The following NPAS2 variants were observed in gnomAD, a reference collection of about 807,000 sequenced individuals.
The protein encoded by NPAS2 is neuronal PAS domain-containing protein 2.
In NPAS2, 23 loss-of-function variants were observed where a neutral mutation model predicts 107.5. The ratio of observed to expected loss-of-function variants is 0.21; its 90% CI spans 0.15 to 0.30. NPAS2 has a LOEUF of 0.30. NPAS2 is among the 10% of genes least tolerant of loss of function. The pLI is 1.00. For missense variants in NPAS2, 756 were observed against 1,043.3 expected (o/e 0.72, Z 3.79); for synonymous variants, 403 against 417.5 (o/e 0.97, Z 0.42).
At chr2:100,876,816 C>T (rs1225233479) in intron 1 of NPAS2, among the ~76,000 whole-genome samples, 8 of 152,132 alleles carry the variant, frequency 5.3e-5, no homozygotes, top group Non-Finnish European at 8.8e-5. Context: ...GAGCACTCCC[C>T]GACTCTTAAC....
At chr2:100,842,077 A>ACG (rs1553441809) in intron 1 of NPAS2, among the ~76,000 whole-genome samples, 20,602 of 92,338 alleles carry the variant, frequency 0.22, 1,568 homozygotes, top group Middle Eastern at 0.39. Context: ...GTGTGCATGT[A>ACG]CGCGCACACA....
At chr2:100,964,787 G>T in intron 8 of NPAS2, 74 bp from the exon 9 acceptor site, 1 of 872,596 alleles carries the variant, frequency 1.1e-6, no homozygotes, top group Non-Finnish European at 1.8e-6. Flanking sequence ...CCCACCACGC[G>T]TTCCTCTTGA....
chr2:100,825,081 C>T (rs926474142), intron 1 of NPAS2, among the ~76,000 whole-genome samples: 3 of 152,106 alleles, frequency 2.0e-5, no homozygotes, highest in Non-Finnish European at 2.9e-5. Context: ...TGCTGAAGGC[C>T]GTGGCAGATA....
chr2:100,878,708 C>A, intron 1 of NPAS2: 2 of 596,316 alleles, frequency 3.4e-6, no homozygotes, highest in Non-Finnish European at 4.2e-6. Flanking sequence ...TCACTGATAC[C>A]CAACTATAAG....
intron 1 of NPAS2, among the ~76,000 whole-genome samples, chr2:100,903,190 C>T (rs1304215389): frequency 6.6e-6 from 1 of 152,190 alleles, no homozygotes; most frequent in South Asian, 2.1e-4. Context: ...GGTCCTTGCT[C>T]ATGCCCTGGG....
chr2:100,858,074 T>C (rs1678694732), intron 1 of NPAS2, among the ~76,000 whole-genome samples: 1 of 152,230 alleles, frequency 6.6e-6, no homozygotes, highest in South Asian at 2.1e-4. Context: ...CCAGTTTGTT[T>C]GCATGATAGT....
At chr2:100,939,715 T>G (rs981069394) in intron 5 of NPAS2, among the ~76,000 whole-genome samples, 1 of 152,194 alleles carries the variant, frequency 6.6e-6, no homozygotes, top group Non-Finnish European at 1.5e-5. Flanking sequence ...CAGAACTGTT[T>G]GGGTAAACAG....
At chr2:100,880,872 A>T (rs1440907429) in intron 1 of NPAS2, among the ~76,000 whole-genome samples, 3 of 152,220 alleles carry the variant, frequency 2.0e-5, no homozygotes, top group African/African-American at 7.2e-5. Context: ...GAGGGAGAGC[A>T]GTATTTTTGC....
chr2:100,902,956 T>C (rs1681881456), intron 1 of NPAS2, among the ~76,000 whole-genome samples: 1 of 152,102 alleles, frequency 6.6e-6, no homozygotes, highest in Non-Finnish European at 1.5e-5. Flanking sequence ...ATCCAGGTTT[T>C]ATAGATTCAG....
At position 100,948,258 on chromosome 2, in the gene NPAS2, G is replaced by A; in HGVS notation, c.387G>A (p.Leu129=). The A allele has an allele frequency of 5.0e-6, 8 of 1,613,026 alleles. No homozygotes were observed. Among genetic ancestry groups the A allele is most frequent in the Non-Finnish European group, 6.8e-6 (8 of 1,179,766 alleles). The change falls in exon 6 of 21, where the codon TTG becomes TTA. Residue 129 remains leucine, a synonymous_variant. Transcript: ENST00000335681. ...AGTCGGATGTCATGGATCAGAATTT[G>A]TTAAATTTCCTCCCAGAACAAGAAC... The part of the protein sequence containing the change: ...HLPSDVMDQN[L]LNFLPEQEHS...
chr2:100,907,085 G>A (rs1682198452), intron 2 of NPAS2, among the ~76,000 whole-genome samples: 1 of 152,072 alleles, frequency 6.6e-6, no homozygotes, highest in Admixed American at 6.6e-5. Flanking sequence ...TTTTGCTGTT[G>A]TCATCTTTAA....
intron 2 of NPAS2, among the ~76,000 whole-genome samples, chr2:100,918,816 G>A (rs1683043374): frequency 6.6e-6 from 1 of 152,188 alleles, no homozygotes. Flanking sequence ...AAATGGCATG[G>A]CCACTCTGGA....
chr2:100,904,228 G>A (rs1016088758), intron 1 of NPAS2, among the ~76,000 whole-genome samples: 5 of 152,110 alleles, frequency 3.3e-5, no homozygotes, highest in African/African-American at 1.2e-4. Context: ...CTGTGGTGTC[G>A]CTAACGGATC....
At chr2:100,945,314 G>A (rs575832887) in intron 5 of NPAS2, among the ~76,000 whole-genome samples, 3 of 152,256 alleles carry the variant, frequency 2.0e-5, no homozygotes, top group South Asian at 4.1e-4. Flanking sequence ...GGCTCTGCCT[G>A]CTTCCCAACG....
chr2:100,993,240 T>C, intron 19 of NPAS2, 107 bp from the exon 20 acceptor site: 2 of 1,171,162 alleles, frequency 1.7e-6, no homozygotes, highest in South Asian at 1.6e-5. Context: ...GCCAAAAGTT[T>C]CTTATGAAGT....
In NPAS2 at chr2:100,987,990, T is replaced by A; in HGVS notation, c.1630-89T>A. On this transcript the variant is annotated intron_variant, in intron 16 of 20. Transcript: ENST00000335681. Reference sequence around the variant, plus strand: ...TTCTAGGCAGCTCAGAGCAAGAAAGTTCTTACTGGCACAGGGAATGCAAAG... The same window carrying A: ...TTCTAGGCAGCTCAGAGCAAGAAAGATCTTACTGGCACAGGGAATGCAAAG... The A allele has an allele frequency of 2.1e-6, 3 of 1,408,264 alleles. No homozygotes were observed. In the East Asian group the frequency reaches 6.9e-5, roughly 32 times the overall value. The allele number at this position is 1,408,264 out of a possible 1,614,324, so 87.2% of individuals were successfully genotyped here.
intron 7 of NPAS2, among the ~76,000 whole-genome samples, chr2:100,952,418 G>A (rs1675281900): frequency 6.6e-6 from 1 of 151,976 alleles, no homozygotes; most frequent in Admixed American, 6.6e-5. Flanking sequence ...TACAAAATTA[G>A]CCGGGCATGA....
intron 1 of NPAS2, among the ~76,000 whole-genome samples, chr2:100,835,410 G>A (rs1335562209): frequency 6.6e-6 from 1 of 152,166 alleles, no homozygotes; most frequent in African/African-American, 2.4e-5. Flanking sequence ...GGAGGTCACT[G>A]TGCGGCGGCT....
rs774942265 is a variant in NPAS2, at chr2:100,820,998, C to T, written c.-23+584C>T. 4 of 1,281,774 alleles carry T rather than the reference C, an allele frequency of 3.1e-6. No individual in the cohort carries two copies. The highest frequency in any genetic ancestry group is 1.3e-5 in the South Asian group (1 of 77,770). 79.4% of individuals were successfully genotyped at this position (1,281,774 alleles called of 1,614,324 possible). ...GCTCCTCACGTCGCTGCCGCCCCCCCACCCCAACTCCGGAGCTCCCCAGGT... is the reference window on the plus strand; with the variant it reads ...GCTCCTCACGTCGCTGCCGCCCCCCTACCCCAACTCCGGAGCTCCCCAGGT... On this transcript the variant is annotated intron_variant, in intron 1 of 20. Coordinates refer to ENST00000335681, the MANE Select transcript of NPAS2 (RefSeq NM_002518.4). The surrounding 1 kb of genome is among the most constrained non-coding windows in gnomAD (Gnocchi z 5.6).
Sources: allele counts gnomAD v4.1 joint callset (sites outside exome capture counted in the v4.1 genomes callset), GRCh38; gene constraint gnomAD v4.1.1; non-coding constraint Gnocchi (gnomAD v3.1); transcripts MANE v1.5; gene names NCBI Gene and HGNC (gene_info 2026-07-23, HGNC 2026-07-21).